The following KCNH8 variants were observed in gnomAD, a reference collection of about 807,000 sequenced individuals.
KCNH8 encodes voltage-gated delayed rectifier potassium channel KCNH8.
KCNH8 carries 70 observed loss-of-function variants against 103.6 expected under a neutral mutation model. That is an observed-to-expected ratio of 0.68 (90% CI 0.56 to 0.82). The LOEUF (loss-of-function observed/expected upper bound fraction) is 0.82. Ranked by LOEUF, KCNH8 falls within the 40% of genes least tolerant of loss-of-function variation. The pLI is 0.00. For missense variants in KCNH8, 1,217 were observed against 1,329.9 expected (o/e 0.92, Z 1.32); for synonymous variants, 498 against 489.4 (o/e 1.02, Z -0.23).
intron 3 of KCNH8, among the ~76,000 whole-genome samples, chr3:19,308,372 T>A (rs2065157205): frequency 6.6e-6 from 1 of 151,746 alleles, no homozygotes; most frequent in African/African-American, 2.4e-5. Flanking sequence ...TACCTTTAAA[T>A]TGACAGCTTC....
chr3:19,149,041 G>A (rs997910479), intron 1 of KCNH8, among the ~76,000 whole-genome samples: 1 of 152,076 alleles, frequency 6.6e-6, no homozygotes, highest in African/African-American at 2.4e-5. Context: ...CGCAGCCTGA[G>A]GAAAGACCGA....
chr3:19,413,459 T>G (rs2066813783), intron 7 of KCNH8, among the ~76,000 whole-genome samples: 1 of 152,004 alleles, frequency 6.6e-6, no homozygotes, highest in South Asian at 2.1e-4. Flanking sequence ...GTGATGGGAT[T>G]ATTCATACCT....
chr3:19,331,247 A>ATTTT (rs1553638445), intron 3 of KCNH8, among the ~76,000 whole-genome samples: 7 of 119,130 alleles, frequency 5.9e-5, no homozygotes, highest in South Asian at 2.5e-4. Flanking sequence ...TTCTTTAATT[A>ATTTT]TTTTTATTTA....
At chr3:19,201,219 AAGACTCT>A in intron 1 of KCNH8, among the ~76,000 whole-genome samples, 1 of 119,030 alleles carries the variant, frequency 8.4e-6, no homozygotes, top group Admixed American at 1.1e-4. Context: ...GTGAAGTAGC[AAGACTCT>A]GCCTCAAAAA....
chr3:19,388,057 T>TGA (rs1243903696), intron 5 of KCNH8, among the ~76,000 whole-genome samples: 2 of 152,140 alleles, frequency 1.3e-5, no homozygotes, highest in African/African-American at 4.8e-5. Context: ...CATTCATTCT[T>TGA]CCATTCATGG....
At chr3:19,230,487 A>G (rs2063981696) in intron 1 of KCNH8, among the ~76,000 whole-genome samples, 1 of 152,220 alleles carries the variant, frequency 6.6e-6, no homozygotes, top group African/African-American at 2.4e-5. Context: ...ACCAGACTTG[A>G]TAATGAGAAA....
intron 5 of KCNH8, among the ~76,000 whole-genome samples, chr3:19,351,812 G>A (rs1256551307): frequency 1.3e-5 from 2 of 152,254 alleles, no homozygotes; most frequent in East Asian, 3.9e-4. Flanking sequence ...TCGAGGCTGG[G>A]AAGAAACTGC....
chr3:19,474,332 A>G (rs1387900134), intron 11 of KCNH8, among the ~76,000 whole-genome samples: 1 of 152,168 alleles, frequency 6.6e-6, no homozygotes, highest in Non-Finnish European at 1.5e-5. Flanking sequence ...CGCAGCACAG[A>G]CTGTGCTCAG....
chr3:19,517,451 G>C lies in KCNH8; in HGVS notation c.2543-547G>C, dbSNP rs371486614. ...TCCCTGACAGAAATAAATATATTTG[G>C]AAGAGCAAAGTAGAGAAAAAGTGGA... is the stretch of plus-strand genomic sequence containing the variant. On this transcript the variant is annotated intron_variant, in intron 14 of 15. Transcript: ENST00000328405. 5.3e-5 allele frequency among the ~76,000 whole-genome samples: 8 copies of C among 152,004 alleles called. 1 individual carries two copies. Among genetic ancestry groups the C allele is most frequent in the African/African-American group, 1.9e-4 (8 of 41,506 alleles).
intron 5 of KCNH8, among the ~76,000 whole-genome samples, chr3:19,376,183 C>T (rs1454378823): frequency 2.0e-5 from 3 of 152,218 alleles, no homozygotes; most frequent in Non-Finnish European, 4.4e-5. Context: ...CAATGGCGGG[C>T]GCCCCTCCCC....
At chr3:19,527,595 T>C (rs148799904) in intron 15 of KCNH8, among the ~76,000 whole-genome samples, 9 of 152,128 alleles carry the variant, frequency 5.9e-5, no homozygotes, top group African/African-American at 2.2e-4. Flanking sequence ...ACTCCGGAAA[T>C]GTAGGGCAAC....
chr3:19,501,431 C>G (rs1029697642), intron 11 of KCNH8, among the ~76,000 whole-genome samples: 1 of 152,148 alleles, frequency 6.6e-6, no homozygotes, highest in African/African-American at 2.4e-5. Context: ...TTTTATGAGG[C>G]CAGCATCATC....
At chr3:19,152,706 C>T (rs952218801) in intron 1 of KCNH8, among the ~76,000 whole-genome samples, 1 of 152,178 alleles carries the variant, frequency 6.6e-6, no homozygotes. Flanking sequence ...GAGGCTGAGG[C>T]GGGCAGATCA....
At chr3:19,222,075 T>C (rs1217277239) in intron 1 of KCNH8, among the ~76,000 whole-genome samples, 1 of 152,162 alleles carries the variant, frequency 6.6e-6, no homozygotes, top group East Asian at 1.9e-4. Context: ...GGTCTTGATC[T>C]CCTGACCCCG....
chr3:19,199,345 G>A (rs959908815), intron 1 of KCNH8, among the ~76,000 whole-genome samples: 7 of 151,858 alleles, frequency 4.6e-5, no homozygotes, highest in East Asian at 1.9e-4. Flanking sequence ...TACATAAATC[G>A]TAATCAGAAA....
At chr3:19,340,128 T>C (rs760476800) in intron 3 of KCNH8, among the ~76,000 whole-genome samples, 52 of 152,164 alleles carry the variant, frequency 3.4e-4, no homozygotes, top group Non-Finnish European at 6.3e-4. Flanking sequence ...TAATAATAAA[T>C]TTGGAAGATC....
chr3:19,528,217 A>T (rs912053612), intron 15 of KCNH8, among the ~76,000 whole-genome samples: 2 of 152,132 alleles, frequency 1.3e-5, no homozygotes, highest in Non-Finnish European at 2.9e-5. Flanking sequence ...ATCTGAAGAA[A>T]TAGCTATCCA....
chr3:19,290,641 C>T (rs1228855728), intron 3 of KCNH8, among the ~76,000 whole-genome samples: 2 of 152,128 alleles, frequency 1.3e-5, no homozygotes, highest in African/African-American at 4.8e-5. Context: ...CTGCTGGATT[C>T]GGTTTGCCAG....
chr3:19,152,340 CA>C (rs1293060136), intron 1 of KCNH8, among the ~76,000 whole-genome samples: 22 of 151,864 alleles, frequency 1.4e-4, no homozygotes, highest in African/African-American at 5.1e-4. Flanking sequence ...CACAGGATAC[CA>C]TTTGAGAAAA....
Sources: allele counts gnomAD v4.1 joint callset (sites outside exome capture counted in the v4.1 genomes callset), GRCh38; gene constraint gnomAD v4.1.1; transcripts MANE v1.5; gene names NCBI Gene and HGNC (gene_info 2026-07-23, HGNC 2026-07-21).